The following ROBO2 variants were observed in gnomAD, a reference collection of about 807,000 sequenced individuals.
ROBO2 encodes the protein roundabout guidance receptor 2.
ROBO2 carries 53 observed loss-of-function variants against 160.8 expected under a neutral mutation model. That is an observed-to-expected ratio of 0.33 (90% confidence interval 0.26 to 0.41). The LOEUF (loss-of-function observed/expected upper bound fraction) is 0.41. Ranked by LOEUF, ROBO2 falls within the 10% of genes least tolerant of loss-of-function variation. The pLI, the probability that ROBO2 is intolerant of heterozygous loss-of-function variation, is 1.00. For missense variants in ROBO2, 1,577 were observed against 1,722.4 expected, an observed-to-expected ratio of 0.92 and a Z score of 1.49; for synonymous variants, 664 against 611.7, an observed-to-expected ratio of 1.09 and a Z score of -1.26.
In ROBO2 at chr3:77,052,473, C is replaced by T. The variant is rs193181949; in HGVS notation, c.61+11627C>T. On this transcript the variant is annotated intron_variant, in intron 1 of 25. Coordinates refer to ENST00000461745, the Ensembl canonical transcript of ROBO2. ...TGCCTTTGAGATCGAGTGATTAATACCTTCTGTTTTGAAGGGGGGAAAAGG... is the reference window on the plus strand; with the variant it reads ...TGCCTTTGAGATCGAGTGATTAATATCTTCTGTTTTGAAGGGGGGAAAAGG... Among the ~76,000 whole-genome samples, 612 of 152,238 alleles carry T rather than the reference C, an allele frequency of 4.0e-3. 5 individuals are homozygous for T. Among genetic ancestry groups the T allele is most frequent in the Admixed American group, 0.012 (187 of 15,300 alleles).
intron 2 of ROBO2, among the ~76,000 whole-genome samples, chr3:77,217,936 A>T (rs1364927627): frequency 6.6e-6 from 1 of 152,194 alleles, no homozygotes; most frequent in Non-Finnish European, 1.5e-5. Flanking sequence ...CTCAAATGAG[A>T]TTATCTCATT....
chr3:77,410,699 T>TCTTCCTCCTCCTCCTCTTCCTCCTCCTCC (rs1560758742), intron 2 of ROBO2, among the ~76,000 whole-genome samples: 17 of 41,008 alleles, frequency 4.1e-4, no homozygotes, highest in African/African-American at 6.1e-4. Flanking sequence ...CCTCCTCCTC[T>TCTTCCTCCTCCTCCTCTTCCTCCTCCTCC]TCCTCCTCCT....
At chr3:77,068,608 A>G (rs2067101678) in intron 1 of ROBO2, among the ~76,000 whole-genome samples, 1 of 152,146 alleles carries the variant, frequency 6.6e-6, no homozygotes, top group Non-Finnish European at 1.5e-5. Flanking sequence ...ATATAAATAT[A>G]TCTTAAAATA....
intron 2 of ROBO2, among the ~76,000 whole-genome samples, chr3:76,852,172 A>T (rs1376532669): frequency 6.6e-6 from 1 of 152,164 alleles, no homozygotes; most frequent in Non-Finnish European, 1.5e-5. Context: ...TACACCTATC[A>T]GTTGCCTTCT....
At chr3:76,234,422 A>T (rs182493361) in intron 2 of ROBO2, among the ~76,000 whole-genome samples, 61 of 152,292 alleles carry the variant, frequency 4.0e-4, no homozygotes, top group African/African-American at 1.5e-3. Flanking sequence ...TTGGTGCAAT[A>T]GTAATTGCAG....
At chr3:76,371,188 G>A (rs1011095431) in intron 2 of ROBO2, among the ~76,000 whole-genome samples, 22 of 151,912 alleles carry the variant, frequency 1.4e-4, no homozygotes, top group Admixed American at 1.4e-3. Context: ...GAGCACAAGG[G>A]TTAGAAGTGC....
chr3:76,697,988 G>C (rs528430573), intron 2 of ROBO2, among the ~76,000 whole-genome samples: 9 of 152,088 alleles, frequency 5.9e-5, no homozygotes, highest in African/African-American at 1.9e-4. Context: ...GATGTAGAAT[G>C]CCTGTAGAAG....
At chr3:76,077,791 T>A (rs2068690480) in intron 2 of ROBO2, among the ~76,000 whole-genome samples, 1 of 152,076 alleles carries the variant, frequency 6.6e-6, no homozygotes, top group Non-Finnish European at 1.5e-5. Flanking sequence ...TGAGTTGCAA[T>A]GGAAAAGTAG....
chr3:76,802,504 G>A (rs530243312), intron 2 of ROBO2, among the ~76,000 whole-genome samples: 2 of 152,068 alleles, frequency 1.3e-5, no homozygotes, highest in African/African-American at 2.4e-5. Flanking sequence ...TGAGGAGGGC[G>A]GATCACAAAG....
In ROBO2 at chr3:77,646,312, A is replaced by G. The variant is rs548416043; in HGVS notation, c.*257A>G. 2.1e-5 allele frequency: 8 copies of G among 380,732 alleles called. No homozygotes were observed. In the South Asian group the frequency reaches 6.5e-4, roughly 31 times the overall value. 23.6% of individuals were successfully genotyped at this position (380,732 alleles called of 1,614,324 possible). Reference sequence around the variant, plus strand: ...AGAAAACAAAACTCGCCCTACAGGAAGAAAAGGATTCTCCTCTGTATATAA... The same window carrying G: ...AGAAAACAAAACTCGCCCTACAGGAGGAAAAGGATTCTCCTCTGTATATAA... On this transcript the variant is annotated 3_prime_UTR_variant, in exon 26 of 26. Coordinates refer to ENST00000461745, the Ensembl canonical transcript of ROBO2.
intron 2 of ROBO2, among the ~76,000 whole-genome samples, chr3:77,385,430 T>C (rs996417748): frequency 6.6e-6 from 1 of 152,228 alleles, no homozygotes; most frequent in African/African-American, 2.4e-5. Context: ...AAAATTATTA[T>C]CATTTAAAAT....
chr3:76,697,384 C>T (rs188378326), intron 2 of ROBO2, among the ~76,000 whole-genome samples: 1 of 152,150 alleles, frequency 6.6e-6, no homozygotes, highest in African/African-American at 2.4e-5. Context: ...TGGCTCACAC[C>T]TGTAGTTCCA....
chr3:77,492,521 C>A (rs934127355), intron 4 of ROBO2, among the ~76,000 whole-genome samples: 2 of 151,638 alleles, frequency 1.3e-5, no homozygotes, highest in African/African-American at 4.8e-5. Flanking sequence ...AAACAGATTA[C>A]TGAAGAAATA....
Position 76,753,321 on chromosome 3 carries a change from C to T in ROBO2, c.110-344693C>T, listed in dbSNP as rs555667207. Reference sequence around the variant, plus strand: ...ATTTTAAATCAATTTTTGTTGATTTCCTGATTTCATTTATGGGGCCATAAT... The same window carrying T: ...ATTTTAAATCAATTTTTGTTGATTTTCTGATTTCATTTATGGGGCCATAAT... On this transcript the variant is annotated intron_variant, in intron 2 of 26. Transcript: ENST00000487694. Among the ~76,000 whole-genome samples, 8 of 151,844 alleles carry T rather than the reference C, an allele frequency of 5.3e-5. 1 individual carries two copies. The South Asian group carries it at 1.5e-3, about 28-fold the overall frequency.
At chr3:77,584,250 A>T (rs1326473058) in intron 16 of ROBO2, among the ~76,000 whole-genome samples, 2 of 152,078 alleles carry the variant, frequency 1.3e-5, no homozygotes, top group African/African-American at 4.8e-5. Context: ...TGAGGTCCTA[A>T]CTGCCTCACA....
chr3:77,358,301 T>C (rs1490768578), intron 2 of ROBO2, among the ~76,000 whole-genome samples: 1 of 152,196 alleles, frequency 6.6e-6, no homozygotes, highest in Non-Finnish European at 1.5e-5. Flanking sequence ...CTCCAGTTCC[T>C]TCCTCTGTTC....
chr3:76,146,857 C>T (rs960165035), intron 2 of ROBO2, among the ~76,000 whole-genome samples: 2 of 147,434 alleles, frequency 1.4e-5, no homozygotes, highest in Non-Finnish European at 3.0e-5. Context: ...CCCACCTCTC[C>T]CCTCCACCAC....
rs548560378 is a variant in ROBO2, at chr3:77,246,942, G to T, written c.388+148602G>T. ...TACATGTTTATTGGGCTCTCCAAAG[G>T]CTTTACTATTTAACTGGTCATTGAA... On this transcript the variant is annotated intron_variant, in intron 2 of 25. Transcript: ENST00000461745. Among the ~76,000 whole-genome samples, 16 of 152,192 alleles carry T rather than the reference G, an allele frequency of 1.1e-4. 1 individual carries two copies. The highest frequency in any genetic ancestry group is 4.6e-4 in the Admixed American group (7 of 15,290).
At chr3:77,080,309 A>G (rs2068506142) in intron 1 of ROBO2, among the ~76,000 whole-genome samples, 1 of 152,176 alleles carries the variant, frequency 6.6e-6, no homozygotes, top group African/African-American at 2.4e-5. Flanking sequence ...CTGCTTGGTT[A>G]ATTTTGAGAG....
Sources: gnomAD v4.1 joint callset for allele counts (sites outside exome capture counted in the v4.1 genomes callset) on GRCh38, gnomAD v4.1.1 for gene constraint, MANE v1.5 for transcripts, NCBI Gene and HGNC (gene_info 2026-07-23, HGNC 2026-07-21) for gene names.